TP63: variants seen among roughly 807,000 people sequenced by gnomAD.
The protein encoded by TP63 is tumor protein p63.
In TP63, 17 loss-of-function variants were observed where a neutral mutation model predicts 82.8. The observed-to-expected ratio is 0.21, with a 90% CI of 0.14 to 0.31. The LOEUF is 0.31. Among genes scored for constraint, TP63 ranks in the 10% least tolerant of loss-of-function variants. The pLI is 1.00. For missense variants in TP63, 648 were observed against 895.3 expected (o/e 0.72, Z 3.52); for synonymous variants, 330 against 321.7 (o/e 1.03, Z -0.28).
At chr3:189,838,840 G>T (rs943601905) in intron 4 of TP63, among the ~76,000 whole-genome samples, 1 of 151,792 alleles carries the variant, frequency 6.6e-6, no homozygotes, top group African/African-American at 2.4e-5. Flanking sequence ...CAGCATATTG[G>T]TTTCCTGTAC....
At chr3:189,764,008 T>G (rs1722763985) in intron 3 of TP63, among the ~76,000 whole-genome samples, 1 of 152,222 alleles carries the variant, frequency 6.6e-6, no homozygotes, top group African/African-American at 2.4e-5. Flanking sequence ...GTGCTCTTGC[T>G]GAGCTGACTG....
At chr3:189,765,644 A>G (rs571120646) in intron 3 of TP63, among the ~76,000 whole-genome samples, 35 of 151,668 alleles carry the variant, frequency 2.3e-4, no homozygotes, top group African/African-American at 8.2e-4. Flanking sequence ...CGTTTTAGCC[A>G]GGATGGTCTC....
chr3:189,683,753 A>G (rs574936894), intron 1 of TP63, among the ~76,000 whole-genome samples: 2 of 152,320 alleles, frequency 1.3e-5, no homozygotes, highest in South Asian at 2.1e-4. Flanking sequence ...ACATGAAGTC[A>G]TTGCAGTAGC....
intron 1 of TP63, among the ~76,000 whole-genome samples, chr3:189,668,469 A>T (rs759353203): frequency 6.6e-6 from 1 of 152,124 alleles, no homozygotes; most frequent in Non-Finnish European, 1.5e-5. Flanking sequence ...TGAAATAGAA[A>T]ATCTACAACA....
intron 4 of TP63, among the ~76,000 whole-genome samples, chr3:189,863,840 G>A (rs1372266997): frequency 6.6e-6 from 1 of 152,092 alleles, no homozygotes; most frequent in Non-Finnish European, 1.5e-5. Flanking sequence ...CTGTCTTTGT[G>A]GTTGTTGTTT....
At chr3:189,721,958 A>G (rs1366937961) in intron 1 of TP63, among the ~76,000 whole-genome samples, 1 of 152,252 alleles carries the variant, frequency 6.6e-6, no homozygotes, top group Non-Finnish European at 1.5e-5. Context: ...TACAGGGCTA[A>G]AGGAAGCCTG....
At chr3:189,656,845 A>C (rs561188183) in intron 1 of TP63, among the ~76,000 whole-genome samples, 1 of 152,260 alleles carries the variant, frequency 6.6e-6, no homozygotes, top group Non-Finnish European at 1.5e-5. Flanking sequence ...TCTCCAAAAC[A>C]GAAAGAAGTG....
At chr3:189,620,511 A>C in the TP63 span, among the ~76,000 whole-genome samples, 2 of 148,554 alleles carry the variant, frequency 1.3e-5, no homozygotes, top group African/African-American at 4.9e-5. Flanking sequence ...TCCATCAAAA[A>C]AAAAACAAAA....
chr3:189,631,667 C>T, intron 1 of TP63, 90 bp downstream of exon 1: 1 of 1,605,138 alleles, frequency 6.2e-7, no homozygotes, highest in Non-Finnish European at 8.5e-7. Flanking sequence ...AAGAACAATT[C>T]CTCCTTGTTT....
At chr3:189,649,732 G>T (rs933209405) in intron 1 of TP63, among the ~76,000 whole-genome samples, 1 of 146,632 alleles carries the variant, frequency 6.8e-6, no homozygotes, top group Non-Finnish European at 1.5e-5. Flanking sequence ...AGATCTGAGC[G>T]ACATGGATCT....
At chr3:189,854,655 G>C (rs1220083040) in intron 4 of TP63, among the ~76,000 whole-genome samples, 1 of 152,188 alleles carries the variant, frequency 6.6e-6, no homozygotes, top group African/African-American at 2.4e-5. Flanking sequence ...TGATAGGATA[G>C]AACTGAAAAA....
chr3:189,722,656 G>C lies in TP63; in HGVS notation c.63-15084G>C, dbSNP rs115230361. On this transcript the variant is annotated intron_variant, in intron 1 of 13. Coordinates refer to ENST00000264731, the MANE Select transcript of TP63 (RefSeq NM_003722.5). Reference sequence around the variant, plus strand: ...ACTACTCCAGGCGCAGAAAGCTCATGTACCTTCCCCAAAGTTATACACCTA... The same window carrying C: ...ACTACTCCAGGCGCAGAAAGCTCATCTACCTTCCCCAAAGTTATACACCTA... Among the ~76,000 whole-genome samples, 614 of 152,310 alleles carry C rather than the reference G, an allele frequency of 4.0e-3. 6 individuals carry two copies. The highest frequency in any genetic ancestry group is 0.014 in the African/African-American group (582 of 41,556).
chr3:189,628,593 GT>G (rs1280759091), upstream of TP63, among the ~76,000 whole-genome samples: 8 of 151,968 alleles, frequency 5.3e-5, no homozygotes, highest in African/African-American at 1.7e-4. Context: ...AAACAGGCAG[GT>G]CATGGTCAGA....
chr3:189,850,124 A>G (rs561039662), intron 4 of TP63, among the ~76,000 whole-genome samples: 3 of 152,238 alleles, frequency 2.0e-5, no homozygotes, highest in South Asian at 4.1e-4. Flanking sequence ...TCTACTAAAA[A>G]TACAAAAATT....
intron 1 of TP63, among the ~76,000 whole-genome samples, chr3:189,725,201 A>G (rs1719683759): frequency 1.3e-5 from 2 of 150,750 alleles, no homozygotes; most frequent in Non-Finnish European, 2.9e-5. Flanking sequence ...TTACCAGGAC[A>G]AATAATTAAA....
Position 189,872,994 on chromosome 3 carries a change from C to G in TP63, c.1348C>G (p.Gln450Glu), listed in dbSNP as rs1718617565. The change falls in exon 10 of 14, where the codon CAG (glutamine) becomes GAG (glutamate). Residue 450 changes from glutamine (Q) to glutamate (E), a missense_variant and splice_region_variant. Physicochemically the swap from Gln to Glu is conservative, Grantham distance 29. Transcript: ENST00000264731. ...GCAGCACCAGCACTTACTTCAGAAA[C>G]AGTGAGTGTATCAACGTGTCATTTT... is the stretch of plus-strand genomic sequence containing the variant. ...QQQHQHLLQK[Q>E]TSIQSPSSYG... 6.2e-7 allele frequency: 1 copy of G among 1,614,118 alleles called. No homozygotes were observed.
At chr3:189,865,977 G>T (rs1461151353) in intron 5 of TP63, among the ~76,000 whole-genome samples, 2 of 152,190 alleles carry the variant, frequency 1.3e-5, no homozygotes, top group Admixed American at 1.3e-4. Context: ...GGTTTTTGTA[G>T]ACTGGGACTA....
At chr3:189,891,068 G>T (rs1264731857) in intron 13 of TP63, among the ~76,000 whole-genome samples, 186 bp downstream of exon 13, 1 of 152,178 alleles carries the variant, frequency 6.6e-6, no homozygotes, top group Non-Finnish European at 1.5e-5. Context: ...CATATTAGAA[G>T]CTTAGCAATC....
intron 1 of TP63, among the ~76,000 whole-genome samples, chr3:189,659,108 AGTTGT>A (rs1331976065): frequency 6.6e-6 from 1 of 151,994 alleles, no homozygotes; most frequent in Non-Finnish European, 1.5e-5. Flanking sequence ...GTACATGTGC[AGTTGT>A]GTTGTATGAA....
Sources: gnomAD v4.1 joint callset for allele counts (sites outside exome capture counted in the v4.1 genomes callset) on GRCh38, gnomAD v4.1.1 for gene constraint, MANE v1.5 for transcripts, NCBI Gene and HGNC (gene_info 2026-07-23, HGNC 2026-07-21) for gene names.